The following MKNK1 variants were observed in gnomAD, a reference collection of about 807,000 sequenced individuals.
MKNK1 encodes the protein MAPK interacting serine/threonine kinase 1, also known as MAP kinase-interacting serine/threonine-protein kinase 1.
In MKNK1, 30 loss-of-function variants were observed where a neutral mutation model predicts 49.3. The ratio of observed to expected loss-of-function variants is 0.61; its 90% CI spans 0.46 to 0.83. MKNK1 has a LOEUF of 0.83. Ranked by LOEUF, MKNK1 falls within the 40% of genes least tolerant of loss-of-function variation. MKNK1 has a pLI of 0.00. For missense variants in MKNK1, 423 were observed against 524.7 expected (o/e 0.81, Z 1.89); for synonymous variants, 176 against 201.7 (o/e 0.87, Z 1.08).
chr1:46,568,192 T>C (rs1277910521), intron 8 of MKNK1: 2 of 459,136 alleles, frequency 4.4e-6, no homozygotes, highest in African/African-American at 4.1e-5. Flanking sequence ...CTAGAAAATA[T>C]TAATTTTGTG....
intron 2 of MKNK1, chr1:46,593,467 C>T (rs1673615793): frequency 6.6e-6 from 1 of 152,246 alleles, no homozygotes; most frequent in Non-Finnish European, 1.5e-5. Context: ...TCCTCTCTAT[C>T]CCCGCTGCCT....
chr1:46,579,023 G>A (rs1446724527), intron 4 of MKNK1, among the ~76,000 whole-genome samples: 2 of 152,118 alleles, frequency 1.3e-5, no homozygotes, highest in Non-Finnish European at 2.9e-5. Flanking sequence ...CAAAGTGCTG[G>A]GATTACAGGT....
At chr1:46,601,747 C>T (rs1187471490) in intron 1 of MKNK1, among the ~76,000 whole-genome samples, 1 of 152,160 alleles carries the variant, frequency 6.6e-6, no homozygotes, top group Non-Finnish European at 1.5e-5. Flanking sequence ...AAGGGCCAAA[C>T]CTAGTAAATA....
rs57340896 is a variant in MKNK1, at chr1:46,572,299, C to T, written c.353-132G>A. ...CACGATCTCGGCTCACTGCAACCTC[C>T]GCCTCCGGGTTCAAGCGATTCTCCT... On this transcript the variant is annotated intron_variant, in intron 6 of 12. Coordinates refer to ENST00000371945, the MANE Select transcript of MKNK1 (RefSeq NM_001135553.4). 5.8e-3 allele frequency: 3,704 copies of T among 635,686 alleles called. 97 individuals carry two copies. The African/African-American group carries it at 0.059, about 10-fold the overall frequency. The allele number at this position is 635,686 out of a possible 1,614,324, so 39.4% of individuals were successfully genotyped here.
intron 8 of MKNK1, among the ~76,000 whole-genome samples, chr1:46,565,874 C>T (rs1668970378): frequency 2.0e-5 from 3 of 152,202 alleles, no homozygotes; most frequent in Admixed American, 1.3e-4. Flanking sequence ...TGCCGGGAAG[C>T]CTGGGCAAGT....
At chr1:46,571,599 T>A (rs141671229) in intron 7 of MKNK1, 4 of 399,586 alleles carry the variant, frequency 1.0e-5, no homozygotes, top group African/African-American at 8.5e-5. Context: ...GAACAAGATA[T>A]ATTAAACTAC....
chr1:46,585,517 AC>A, intron 2 of MKNK1: 1 of 263,300 alleles, frequency 3.8e-6, no homozygotes, highest in Non-Finnish European at 7.7e-6. Flanking sequence ...TCCAGTGGCA[AC>A]CCGTGTCTGC....
chr1:46,587,315 A>C (rs1339278912), intron 2 of MKNK1, among the ~76,000 whole-genome samples: 1 of 152,082 alleles, frequency 6.6e-6, no homozygotes, highest in African/African-American at 2.4e-5. Flanking sequence ...CTATTAGTGG[A>C]GGTGGAAGTG....
At chr1:46,565,016 A>T in intron 9 of MKNK1, 25 bp downstream of exon 9, 1 of 1,599,554 alleles carries the variant, frequency 6.3e-7, no homozygotes, top group Non-Finnish European at 8.6e-7. Flanking sequence ...CCAAATACTT[A>T]GGAGCCCAGA....
chr1:46,570,281 C>A (rs529446448), intron 7 of MKNK1: 1 of 152,118 alleles, frequency 6.6e-6, no homozygotes, highest in East Asian at 1.9e-4. Flanking sequence ...TTGTAAAAAG[C>A]GTGACCCAGT....
rs1260711356 is a variant in MKNK1 at position 46,586,438 on chromosome 1, G to C, written c.-2-3109C>G. On this transcript the variant is annotated intron_variant, in intron 2 of 12. Transcript: ENST00000371945. ...TCCTCTGCTCCCAAACACCCTGCGA[G>C]AAGCTCCACGAGGGCACTGATTTTA... 3.0e-4 allele frequency among the ~76,000 whole-genome samples: 46 copies of C among 152,126 alleles called. 1 individual carries two copies. The highest frequency in any genetic ancestry group is 3.0e-3 in the Admixed American group (46 of 15,270).
intron 5 of MKNK1, chr1:46,575,227 G>A (rs1670782105): frequency 3.9e-6 from 2 of 512,486 alleles, no homozygotes; most frequent in Admixed American, 3.8e-5. Context: ...TTTCCATAAT[G>A]TTTAGTCTCT....
chr1:46,591,849 G>C (rs1346374686), intron 2 of MKNK1, among the ~76,000 whole-genome samples: 1 of 152,102 alleles, frequency 6.6e-6, no homozygotes, highest in Non-Finnish European at 1.5e-5. Context: ...TTTCTATTTT[G>C]TTACACAGAA....
At chr1:46,560,400 G>T in intron 11 of MKNK1, 123 bp from the exon 12 acceptor site, 1 of 1,055,308 alleles carries the variant, frequency 9.5e-7, no homozygotes, top group Non-Finnish European at 1.4e-6. Flanking sequence ...AAATGGCTAT[G>T]CTTGCTTGCA....
At chr1:46,576,537 T>G in intron 5 of MKNK1, 38 bp downstream of exon 5, 5 of 1,550,384 alleles carry the variant, frequency 3.2e-6, no homozygotes, top group Non-Finnish European at 4.5e-6. Context: ...TGGCCAAGCG[T>G]CCCCCCAGAG....
intron 3 of MKNK1, among the ~76,000 whole-genome samples, chr1:46,581,717 T>TGA (rs1223608933): frequency 6.6e-6 from 1 of 152,156 alleles, no homozygotes; most frequent in Non-Finnish European, 1.5e-5. Context: ...TGGAGGCTTC[T>TGA]GAGAAGTCTC....
chr1:46,558,920 G>T, intron 12 of MKNK1, 120 bp from the exon 13 acceptor site: 1 of 812,276 alleles, frequency 1.2e-6, no homozygotes, highest in Non-Finnish European at 1.9e-6. Flanking sequence ...TCCCAGAGCT[G>T]GGACGGGCTG....
chr1:46,584,543 G>A (rs1397696075), intron 2 of MKNK1: 1 of 150,408 alleles, frequency 6.6e-6, no homozygotes, highest in East Asian at 1.9e-4. Flanking sequence ...ATGGAAGCTG[G>A]TTCTTTGCCC....
Position 46,580,623 on chromosome 1 carries a change from C to T in MKNK1, c.105G>A (p.Met35Ile). ...TDSLPGKFED[M>I]YKLTSELLGE... ...CAAGCAATTCAGAGGTCAGCTTGTA[C>T]ATATCTAGAGGTGAAATGGATGAGA... The change falls in exon 4 of 13, where the codon ATG becomes ATA. Residue 35 changes from methionine (M) to isoleucine (I), a missense_variant. Transcript: ENST00000371945. 3 of 1,610,302 alleles carry T rather than the reference C, an allele frequency of 1.9e-6. No homozygotes were observed. Among genetic ancestry groups the T allele is most frequent in the Non-Finnish European group, 2.5e-6 (3 of 1,176,532 alleles).
Sources: allele counts gnomAD v4.1 joint callset (sites outside exome capture counted in the v4.1 genomes callset), GRCh38; gene constraint gnomAD v4.1.1; transcripts MANE v1.5; gene names NCBI Gene and HGNC (gene_info 2026-07-23, HGNC 2026-07-21).